The following ANO1 variants were observed in gnomAD, a reference collection of about 807,000 sequenced individuals.
ANO1 encodes anoctamin 1.
Under a neutral mutation model 124.0 loss-of-function variants are expected in ANO1, and 59 were observed. The ratio of observed to expected loss-of-function variants is 0.48; its 90% CI spans 0.39 to 0.59. ANO1 has a LOEUF of 0.59. Among genes scored for constraint, ANO1 ranks in the 20% least tolerant of loss-of-function variants. ANO1 has a pLI of 0.00. For synonymous variants in ANO1, 529 were observed against 532.0 expected (o/e 0.99, Z 0.08); for missense variants, 1,059 against 1,328.0 (o/e 0.80, Z 3.15).
At position 70,170,555 on chromosome 11, in the gene ANO1, G is replaced by A. The variant is rs369726580; in HGVS notation, c.2198-332G>A. ...TGCAGTGAGCCATGGTTGTGCCACT[G>A]TACTCCAGCGTGGTGACAGATCGAG... On this transcript the variant is annotated intron_variant, in intron 21 of 25. Transcript: ENST00000355303. Among the ~76,000 whole-genome samples the A allele has an allele frequency of 8.3e-4, 127 of 152,350 alleles. 4 individuals carry two copies. In the South Asian group the frequency reaches 0.024, roughly 28 times the overall value.
chr11:69,974,390 G>C, the ANO1 span, among the ~76,000 whole-genome samples: 1 of 152,186 alleles, frequency 6.6e-6, no homozygotes, highest in Non-Finnish European at 1.5e-5. Context: ...GCAAGACACA[G>C]GCTGTTCCAC....
chr11:70,153,723 C>G (rs947369898), intron 14 of ANO1, among the ~76,000 whole-genome samples: 2 of 152,140 alleles, frequency 1.3e-5, no homozygotes, highest in Non-Finnish European at 2.9e-5. Flanking sequence ...CCAGGACTCT[C>G]GAAGACCTCC....
chr11:70,034,879 C>A (rs1857067127), intron 1 of ANO1, among the ~76,000 whole-genome samples: 1 of 152,000 alleles, frequency 6.6e-6, no homozygotes, highest in South Asian at 2.1e-4. Flanking sequence ...CTGAACAGAG[C>A]CCAGCAGGGA....
Position 70,082,545 on chromosome 11 carries a change from G to A in ANO1, c.108+3831G>A, listed in dbSNP as rs1373517791. Among the ~76,000 whole-genome samples, 3 of 152,332 alleles carry A rather than the reference G, an allele frequency of 2.0e-5. No homozygotes were observed. The East Asian group carries it at 5.8e-4, about 29-fold the overall frequency. On this transcript the variant is annotated intron_variant, in intron 1 of 25. Coordinates refer to ENST00000355303, the MANE Select transcript of ANO1 (RefSeq NM_018043.7). ...ACTGCGCTCCAGCCTAGGCGACAGA[G>A]CAAGAATTCGTCTCAAAAGAAAAGA...
chr11:70,052,132 T>G (rs1050268298), intron 1 of ANO1, among the ~76,000 whole-genome samples: 5 of 152,230 alleles, frequency 3.3e-5, no homozygotes, highest in Admixed American at 6.5e-5. Flanking sequence ...TCCACACCAC[T>G]TATTGATTTC....
chr11:70,073,894 C>A (rs1391755456), upstream of ANO1, among the ~76,000 whole-genome samples: 8 of 131,306 alleles, frequency 6.1e-5, no homozygotes, highest in Non-Finnish European at 1.2e-4. Flanking sequence ...CGTTTCTGAG[C>A]TTCGGCCGGC....
chr11:70,110,174 T>A (rs1298591587), intron 6 of ANO1, among the ~76,000 whole-genome samples: 1 of 149,686 alleles, frequency 6.7e-6, no homozygotes, highest in Non-Finnish European at 1.5e-5. Context: ...TGAGGGCCTA[T>A]GTTCACTTTC....
At chr11:70,159,504 T>C (rs2047960048) in intron 16 of ANO1, among the ~76,000 whole-genome samples, 1 of 152,166 alleles carries the variant, frequency 6.6e-6, no homozygotes, top group Admixed American at 6.5e-5. Flanking sequence ...CTTCATAGGG[T>C]TGAAGAGGAC....
chr11:70,107,577 G>C (rs2045608139), intron 5 of ANO1, among the ~76,000 whole-genome samples: 2 of 151,846 alleles, frequency 1.3e-5, no homozygotes, highest in African/African-American at 4.8e-5. Flanking sequence ...GGCAGAATTG[G>C]CATGCTCTGA....
chr11:70,153,665 C>A (rs932108233), intron 14 of ANO1, among the ~76,000 whole-genome samples: 1 of 152,172 alleles, frequency 6.6e-6, no homozygotes, highest in Non-Finnish European at 1.5e-5. Context: ...ATAATAATTG[C>A]TTTTCTTTTT....
chr11:70,126,307 A>G lies in ANO1; in HGVS notation c.1097+112A>G, dbSNP rs1319102255. 1.2e-5 allele frequency: 16 copies of G among 1,344,476 alleles called. No homozygotes were observed. The East Asian group carries it at 2.9e-4, about 24-fold the overall frequency. The allele number at this position is 1,344,476 out of a possible 1,614,324, so 83.3% of individuals were successfully genotyped here. ...GCCTCTCACACCAATTCCTGTACAC[A>G]TGAAACCTCACGCCAAGCCACGAGC... On this transcript the variant is annotated intron_variant, in intron 10 of 25. Transcript: ENST00000355303.
chr11:70,042,843 G>T (rs1219578395), intron 1 of ANO1, among the ~76,000 whole-genome samples: 2 of 152,134 alleles, frequency 1.3e-5, no homozygotes, highest in African/African-American at 4.8e-5. Context: ...ACCCTGAATG[G>T]ATTCGATGGA....
At chr11:69,989,147 C>A (rs1464095104) in intron 1 of ANO1, among the ~76,000 whole-genome samples, 4 of 127,726 alleles carry the variant, frequency 3.1e-5, no homozygotes, top group Non-Finnish European at 5.7e-5. Context: ...CCCATTGTTT[C>A]CCCCCATTTA....
At chr11:70,025,671 A>ATGG (rs534473732) in intron 1 of ANO1, among the ~76,000 whole-genome samples, 3 of 148,068 alleles carry the variant, frequency 2.0e-5, no homozygotes, top group Non-Finnish European at 4.5e-5. Context: ...GACAATAATG[A>ATGG]TGGTGGTGGT....
intron 2 of ANO1, among the ~76,000 whole-genome samples, chr11:70,100,419 A>G (rs1478251627): frequency 6.6e-6 from 1 of 152,184 alleles, no homozygotes; most frequent in Non-Finnish European, 1.5e-5. Context: ...AGACCCAGCG[A>G]GGAGAGGAGG....
chr11:70,070,696 A>C (rs1439130493), intron 1 of ANO1, among the ~76,000 whole-genome samples: 2 of 152,208 alleles, frequency 1.3e-5, no homozygotes. Flanking sequence ...TTGTGAGTGC[A>C]TGGTGAGTGG....
chr11:69,981,933 A>C (rs1241587171), upstream of ANO1, among the ~76,000 whole-genome samples: 1 of 152,258 alleles, frequency 6.6e-6, no homozygotes, highest in African/African-American at 2.4e-5. Context: ...CAGACACGAA[A>C]GACCATGTAA....
At chr11:70,141,562 C>T (rs751549916) in intron 11 of ANO1, 1 of 152,240 alleles carries the variant, frequency 6.6e-6, no homozygotes, top group Non-Finnish European at 1.5e-5. Flanking sequence ...GCCACTCCCA[C>T]GAAGCATTTG....
At chr11:70,031,413 C>T (rs980462265) in intron 1 of ANO1, among the ~76,000 whole-genome samples, 56 of 152,340 alleles carry the variant, frequency 3.7e-4, no homozygotes, top group African/African-American at 1.2e-3. Flanking sequence ...TGCAGTCCCT[C>T]TGGTGTGCTA....
Sources: gnomAD v4.1 joint callset for allele counts (sites outside exome capture counted in the v4.1 genomes callset) on GRCh38, gnomAD v4.1.1 for gene constraint, MANE v1.5 for transcripts, NCBI Gene and HGNC (gene_info 2026-07-23, HGNC 2026-07-21) for gene names.